Variants in GAREM1 observed in about 807,000 individuals in gnomAD.
GAREM1 encodes GRB2-associated and regulator of MAPK protein 1.
In GAREM1, 26 loss-of-function variants were observed where a neutral mutation model predicts 71.3. The observed-to-expected ratio is 0.36, with a 90% confidence interval of 0.27 to 0.51. The LOEUF is 0.51. GAREM1 is among the 20% of genes least tolerant of loss of function. The probability of loss-of-function intolerance (pLI) is 0.95; values close to 1 mark genes in which losing one functional copy is unlikely to be tolerated. For missense variants in GAREM1, 1,026 were observed against 1,103.1 expected, an observed-to-expected ratio of 0.93 and a Z score of 0.99; for synonymous variants, 440 against 433.2, an observed-to-expected ratio of 1.02 and a Z score of -0.20.
At chr18:32,443,491 T>C (rs2048759740) in intron 1 of GAREM1, among the ~76,000 whole-genome samples, 1 of 152,278 alleles carries the variant, frequency 6.6e-6, no homozygotes, top group Non-Finnish European at 1.5e-5. Context: ...AATAACCATT[T>C]ATCCAAAGAA....
rs376024194 is a variant in GAREM1, at chr18:32,439,924, C to A, written c.121+30384G>T. Reference sequence around the variant, plus strand: ...GAATGAAGGTGCCAGCACTGCCTCCCATTCCTCATCCCCCAGTCCCAAGAG... The same window carrying A: ...GAATGAAGGTGCCAGCACTGCCTCCAATTCCTCATCCCCCAGTCCCAAGAG... On this transcript the variant is annotated intron_variant, in intron 1 of 5. Coordinates refer to ENST00000269209, the MANE Select transcript of GAREM1 (RefSeq NM_001242409.2). Among the ~76,000 whole-genome samples, 9 of 152,260 alleles carry A rather than the reference C, an allele frequency of 5.9e-5. No homozygotes were observed. The East Asian group carries it at 1.6e-3, about 26-fold the overall frequency.
At chr18:32,363,227 C>T (rs1215892562) in intron 2 of GAREM1, among the ~76,000 whole-genome samples, 1 of 151,366 alleles carries the variant, frequency 6.6e-6, no homozygotes, top group Non-Finnish European at 1.5e-5. Context: ...AAAAAAAAAT[C>T]TTACTTAAGA....
chr18:32,302,936 C>A (rs1431079409), intron 3 of GAREM1, among the ~76,000 whole-genome samples: 3 of 152,186 alleles, frequency 2.0e-5, no homozygotes, highest in African/African-American at 7.2e-5. Flanking sequence ...ACAGCAGGTG[C>A]CAAAGCAGTA....
At chr18:32,284,911 A>G (rs902795030) in intron 4 of GAREM1, among the ~76,000 whole-genome samples, 7 of 151,596 alleles carry the variant, frequency 4.6e-5, no homozygotes, top group East Asian at 1.9e-4. Context: ...CACCACGCCC[A>G]GCTAATTTGT....
intron 1 of GAREM1, among the ~76,000 whole-genome samples, chr18:32,419,947 T>C (rs766124808): frequency 2.6e-5 from 4 of 152,186 alleles, no homozygotes; most frequent in Admixed American, 1.3e-4. Flanking sequence ...AAAGCAGTTG[T>C]CACCTCGCCT....
Position 32,428,195 on chromosome 18 carries a change from C to A in GAREM1, c.122-35160G>T, listed in dbSNP as rs2048592444. ...TTTGCAAGTTTGATAAATTTTGTAA[C>A]CTTCCTGAAGGCCACATACCATTAG... On this transcript the variant is annotated intron_variant, in intron 1 of 5. Coordinates refer to ENST00000269209, the MANE Select transcript of GAREM1 (RefSeq NM_001242409.2). Among the ~76,000 whole-genome samples the A allele has an allele frequency of 2.0e-5, 3 of 152,316 alleles. No individual in the cohort carries two copies. In the South Asian group the frequency reaches 6.2e-4, roughly 32 times the overall value.
rs182733960 is a variant in GAREM1 at position 32,266,142 on chromosome 18, A to C, written c.*1729T>G. ...AAAAAAAATGCTTTTTTTTTTGATA[A>C]AGGAGATCTAAGATGGAAAATTGGG... is the stretch of plus-strand genomic sequence containing the variant. On this transcript the variant is annotated 3_prime_UTR_variant, in exon 6 of 6. Transcript: ENST00000269209. The C allele has an allele frequency of 2.2e-4, 33 of 152,220 alleles. No individual in the cohort carries two copies. The highest frequency in any genetic ancestry group is 7.9e-4 in the African/African-American group (33 of 41,532). 9.4% of individuals were successfully genotyped at this position (152,220 alleles called of 1,614,324 possible).
At chr18:32,431,677 T>G (rs969854237) in intron 1 of GAREM1, among the ~76,000 whole-genome samples, 18 of 152,092 alleles carry the variant, frequency 1.2e-4, no homozygotes, top group African/African-American at 4.3e-4. Context: ...TCTAGAAATC[T>G]AGTGAAAGAT....
Position 32,306,199 on chromosome 18 carries a change from C to G in GAREM1, c.393+3994G>C. Among the ~76,000 whole-genome samples, 2 of 152,136 alleles carry G rather than the reference C, an allele frequency of 1.3e-5. 1 individual carries two copies. The highest frequency in any genetic ancestry group is 2.9e-5 in the Non-Finnish European group (2 of 68,026). ...AATTCAATTACTAAGTAGCATTTGA[C>G]ACAGTTGCTCATTCCTTCTTGAATC... On this transcript the variant is annotated intron_variant, in intron 3 of 5. Coordinates refer to ENST00000269209, the MANE Select transcript of GAREM1 (RefSeq NM_001242409.2).
chr18:32,337,427 C>T (rs1034190519), intron 2 of GAREM1, among the ~76,000 whole-genome samples: 8 of 152,160 alleles, frequency 5.3e-5, no homozygotes, highest in African/African-American at 1.4e-4. Flanking sequence ...TAGGACACTA[C>T]GATTTAGTAT....
intron 1 of GAREM1, among the ~76,000 whole-genome samples, chr18:32,465,808 C>T (rs912915486): frequency 3.3e-5 from 5 of 152,200 alleles, no homozygotes; most frequent in African/African-American, 9.7e-5. Flanking sequence ...GGCTTGGGTC[C>T]ACGCTTGCGT....
At chr18:32,327,624 C>T (rs1270803192) in intron 2 of GAREM1, among the ~76,000 whole-genome samples, 1 of 152,136 alleles carries the variant, frequency 6.6e-6, no homozygotes, top group Non-Finnish European at 1.5e-5. Context: ...TATTGTAAAA[C>T]CTAGAGTGTG....
intron 2 of GAREM1, among the ~76,000 whole-genome samples, chr18:32,363,590 C>T (rs576180228): frequency 6.6e-6 from 1 of 152,068 alleles, no homozygotes; most frequent in Non-Finnish European, 1.5e-5. Flanking sequence ...CTAACTAAAT[C>T]AGGTTTTAGT....
At chr18:32,419,907 C>A (rs2048503905) in intron 1 of GAREM1, among the ~76,000 whole-genome samples, 2 of 152,084 alleles carry the variant, frequency 1.3e-5, no homozygotes, top group Non-Finnish European at 2.9e-5. Flanking sequence ...GCAACCGAAA[C>A]CCATTTATAC....
intron 1 of GAREM1, among the ~76,000 whole-genome samples, chr18:32,436,287 G>A (rs1467598998): frequency 6.6e-6 from 1 of 152,190 alleles, no homozygotes; most frequent in Admixed American, 6.5e-5. Flanking sequence ...TGAAGGTCAA[G>A]TAAGTTAAAG....
chr18:32,361,532 G>A (rs549771001), intron 2 of GAREM1, among the ~76,000 whole-genome samples: 84 of 152,240 alleles, frequency 5.5e-4, no homozygotes, highest in African/African-American at 2.0e-3. Context: ...TGGTGCAGAG[G>A]CGAACTCTCT....
intron 1 of GAREM1, among the ~76,000 whole-genome samples, chr18:32,439,645 CT>C (rs34313807): frequency 0.073 from 10,706 of 146,128 alleles, 456 homozygotes; most frequent in Middle Eastern, 0.21. Context: ...ACCAAATGAG[CT>C]TTTTTTTTTT....
intron 2 of GAREM1, among the ~76,000 whole-genome samples, chr18:32,379,010 C>T (rs1410416965): frequency 6.6e-6 from 1 of 152,148 alleles, no homozygotes; most frequent in African/African-American, 2.4e-5. Flanking sequence ...GCAGGCTGTA[C>T]GTTGAGTGCT....
chr18:32,305,583 G>A (rs567771049), intron 3 of GAREM1, among the ~76,000 whole-genome samples: 30 of 152,182 alleles, frequency 2.0e-4, no homozygotes, highest in South Asian at 2.1e-4. Flanking sequence ...ACAGTGGCGC[G>A]ATCTTGGCTC....
Sources: allele counts gnomAD v4.1 joint callset (sites outside exome capture counted in the v4.1 genomes callset), GRCh38; gene constraint gnomAD v4.1.1; transcripts MANE v1.5; gene names NCBI Gene and HGNC (gene_info 2026-07-23, HGNC 2026-07-21).